USP34: variants seen among roughly 807,000 people sequenced by gnomAD.
The protein encoded by USP34 is ubiquitin specific peptidase 34, also known as ubiquitin carboxyl-terminal hydrolase 34.
Under a neutral mutation model 460.3 loss-of-function variants are expected in USP34, and 70 were observed. The observed-to-expected ratio is 0.15, with a 90% CI of 0.13 to 0.19. The LOEUF (loss-of-function observed/expected upper bound fraction) is 0.19, where lower values mean the gene tolerates loss of function less well. Among genes scored for constraint, USP34 ranks in the 10% least tolerant of loss-of-function variants. USP34 has a pLI of 1.00. For synonymous variants in USP34, 1,647 were observed against 1,405.3 expected, an observed-to-expected ratio of 1.17 and a Z score of -3.85; for missense variants, 3,985 against 4,236.2, an observed-to-expected ratio of 0.94 and a Z score of 1.65.
chr2:61,265,330 A>C, intron 43 of USP34, 67 bp downstream of exon 43: 1 of 1,516,034 alleles, frequency 6.6e-7, no homozygotes, highest in Non-Finnish European at 8.9e-7. Context: ...CATTGAAATA[A>C]AAATTTATCA....
At chr2:61,345,291 G>T (rs1189020363) in intron 15 of USP34, among the ~76,000 whole-genome samples, 1 of 151,230 alleles carries the variant, frequency 6.6e-6, no homozygotes, top group Non-Finnish European at 1.5e-5. Flanking sequence ...AAAAAAAATT[G>T]TAATTATCTG....
At chr2:61,293,259 T>A (rs1689917488) in intron 33 of USP34, among the ~76,000 whole-genome samples, 1 of 152,168 alleles carries the variant, frequency 6.6e-6, no homozygotes, top group Non-Finnish European at 1.5e-5. Flanking sequence ...TAATTAATTT[T>A]ATCAGAAGAA....
intron 20 of USP34, among the ~76,000 whole-genome samples, chr2:61,326,738 G>T (rs1417803746): frequency 6.7e-6 from 1 of 149,012 alleles, no homozygotes; most frequent in African/African-American, 2.5e-5. Flanking sequence ...GCTGGTCTAT[G>T]CTCTGATCTA....
intron 3 of USP34, among the ~76,000 whole-genome samples, chr2:61,401,999 C>A (rs1395931801): frequency 6.6e-6 from 1 of 151,806 alleles, no homozygotes; most frequent in Non-Finnish European, 1.5e-5. Context: ...TGCCTGTAAT[C>A]CCAGCACTTT....
chr2:61,289,168 G>A (rs564711643), intron 33 of USP34, among the ~76,000 whole-genome samples: 248 of 152,046 alleles, frequency 1.6e-3, no homozygotes, highest in Non-Finnish European at 2.8e-3. Context: ...ATAGCTATGA[G>A]ATTTTTGAAA....
chr2:61,295,433 A>G (rs1689995253), intron 30 of USP34, 143 bp from the exon 31 acceptor site: 4 of 863,456 alleles, frequency 4.6e-6, no homozygotes, highest in Middle Eastern at 3.9e-4. Context: ...GACTAGGTAT[A>G]TAACTGGCAC....
At chr2:61,376,034 G>T (rs1041314288) in intron 8 of USP34, among the ~76,000 whole-genome samples, 3 of 152,068 alleles carry the variant, frequency 2.0e-5, no homozygotes, top group African/African-American at 7.2e-5. Context: ...GAGACAGAAA[G>T]TAGATTAGTG....
Position 61,283,190 on chromosome 2 carries a change from A to T in USP34, c.4953T>A (p.Asp1651Glu). The T allele has an allele frequency of 6.2e-7, 1 of 1,613,700 alleles. No homozygotes were observed. The highest frequency in any genetic ancestry group is 8.5e-7 in the Non-Finnish European group (1 of 1,179,750). The change falls in exon 37 of 80, where the codon GAT becomes GAA. Residue 1651 changes from aspartate (D) to glutamate (E), a missense_variant. By Grantham distance (45) the Asp-to-Glu change is conservative (BLOSUM62 2). Around this residue, in one of 14 missense-constraint regions of USP34, gnomAD observed 1,114 missense variants for 1,122.5 expected, o/e 0.99. Transcript: ENST00000398571. The stretch of plus-strand genomic sequence containing the variant: ...ATTTCTTTAGCCAATCTTGTAAATG[A>T]TCGCTATCAGCAAGGCTAGATTTCA... ...SLVKSSLADS[D>E]HLQDWLKKLT...
intron 8 of USP34, among the ~76,000 whole-genome samples, chr2:61,373,717 C>T (rs1381072834): frequency 6.6e-6 from 1 of 152,176 alleles, no homozygotes; most frequent in Non-Finnish European, 1.5e-5. Flanking sequence ...TTATATTCTA[C>T]AGAGTCACTG....
intron 21 of USP34, among the ~76,000 whole-genome samples, chr2:61,322,864 G>C (rs897894726): frequency 2.6e-5 from 4 of 152,106 alleles, no homozygotes; most frequent in Non-Finnish European, 5.9e-5. Flanking sequence ...ACAAGATAAA[G>C]AGTATCCAGG....
chr2:61,266,804 T>A (rs76653121), intron 41 of USP34, among the ~76,000 whole-genome samples: 1 of 152,188 alleles, frequency 6.6e-6, no homozygotes, highest in Non-Finnish European at 1.5e-5. Context: ...AGACTCTTGA[T>A]ACCCACAGAA....
intron 27 of USP34, among the ~76,000 whole-genome samples, chr2:61,303,111 G>C (rs1311983447): frequency 6.6e-6 from 1 of 151,734 alleles, no homozygotes; most frequent in Non-Finnish European, 1.5e-5. Context: ...CTGTCACCCA[G>C]GCTGGAGTGC....
At chr2:61,311,449 T>G in intron 27 of USP34, 91 bp downstream of exon 27, 2 of 193,080 alleles carry the variant, frequency 1.0e-5, no homozygotes, top group Non-Finnish European at 1.6e-5. Flanking sequence ...AAAAGGAGAA[T>G]AAAAGAAAAG....
At chr2:61,346,705 A>T (rs1691779712) in intron 15 of USP34, among the ~76,000 whole-genome samples, 1 of 146,464 alleles carries the variant, frequency 6.8e-6, no homozygotes, top group South Asian at 2.2e-4. Context: ...GGTGGGGGGC[A>T]CCTGTAGTCC....
intron 8 of USP34, among the ~76,000 whole-genome samples, chr2:61,371,119 G>C (rs1473435493): frequency 6.6e-6 from 1 of 152,140 alleles, no homozygotes; most frequent in Non-Finnish European, 1.5e-5. Context: ...GCAGACCAAA[G>C]GATGGACCAA....
At chr2:61,313,407 G>C (rs1333861383) in intron 25 of USP34, among the ~76,000 whole-genome samples, 2 of 152,094 alleles carry the variant, frequency 1.3e-5, no homozygotes, top group Non-Finnish European at 2.9e-5. Context: ...GACTAAGGGT[G>C]TGAATCAACA....
chr2:61,454,852 T>C (rs1314560511), intron 1 of USP34, among the ~76,000 whole-genome samples: 3 of 144,208 alleles, frequency 2.1e-5, no homozygotes, highest in South Asian at 2.2e-4. Context: ...CCAGCAAATA[T>C]AGTGGGGTTT....
At chr2:61,359,779 GTTTTTTT>G (rs35258583) in intron 10 of USP34, among the ~76,000 whole-genome samples, 11 of 86,854 alleles carry the variant, frequency 1.3e-4, no homozygotes, top group African/African-American at 1.6e-4. Flanking sequence ...GCCCACAGTT[GTTTTTTT>G]TTTTTTTTTT....
chr2:61,244,998 A>G (rs1182196216), intron 51 of USP34, among the ~76,000 whole-genome samples: 1 of 152,118 alleles, frequency 6.6e-6, no homozygotes, highest in African/African-American at 2.4e-5. Flanking sequence ...TATTTCTCTT[A>G]CCTTCTTAAT....
Sources: allele counts gnomAD v4.1 joint callset (sites outside exome capture counted in the v4.1 genomes callset), GRCh38; gene constraint gnomAD v4.1.1; regional missense constraint gnomAD v4.1.1; transcripts MANE v1.5; gene names NCBI Gene and HGNC (gene_info 2026-07-23, HGNC 2026-07-21).